MEI4: variants seen among roughly 807,000 people sequenced by gnomAD.
MEI4 encodes the protein meiotic double-stranded break formation protein 4, also known as meiosis-specific protein MEI4.
MEI4 carries 27 observed loss-of-function variants against 31.4 expected under a neutral mutation model. That is an observed-to-expected ratio of 0.86 (90% confidence interval 0.63 to 1.19). MEI4 has a LOEUF of 1.19. MEI4 is among the 50% of genes most tolerant of loss of function. MEI4 has a pLI of 0.00. For missense variants in MEI4, 329 were observed against 398.9 expected (o/e 0.82, Z 1.49); for synonymous variants, 122 against 145.4 (o/e 0.84, Z 1.16).
chr6:77,841,333 A>ATTTTTTTTTTTTT (rs1239589008), intron 4 of MEI4, among the ~76,000 whole-genome samples: 2 of 27,736 alleles, frequency 7.2e-5, no homozygotes, highest in East Asian at 2.2e-3. Flanking sequence ...ATATATATAT[A>ATTTTTTTTTTTTT]TTTTTTTTTT....
chr6:77,665,680 C>T (rs764460279), intron 1 of MEI4, among the ~76,000 whole-genome samples: 6 of 152,162 alleles, frequency 3.9e-5, no homozygotes, highest in Admixed American at 2.0e-4. Flanking sequence ...CTTCCCAGTC[C>T]GTGACCGGCG....
intron 1 of MEI4, among the ~76,000 whole-genome samples, chr6:77,659,213 C>T (rs1027866388): frequency 6.6e-6 from 1 of 152,106 alleles, no homozygotes; most frequent in African/African-American, 2.4e-5. Context: ...AGTGGAATAA[C>T]TCTTTTTTGT....
chr6:77,699,212 C>T (rs1209080002), intron 2 of MEI4, among the ~76,000 whole-genome samples: 17 of 105,738 alleles, frequency 1.6e-4, no homozygotes, highest in African/African-American at 4.3e-4. Context: ...TTTTTTGAGA[C>T]GGAGTCTCGC....
At chr6:77,651,833 G>GT (rs1350868035), upstream of MEI4, among the ~76,000 whole-genome samples, 3 of 152,072 alleles carry the variant, frequency 2.0e-5, no homozygotes, top group Non-Finnish European at 4.4e-5. Flanking sequence ...CCATGAGTAT[G>GT]TTTTTTATTC....
intron 4 of MEI4, among the ~76,000 whole-genome samples, chr6:77,863,066 C>A (rs1298929348): frequency 3.4e-5 from 5 of 148,846 alleles, no homozygotes; most frequent in African/African-American, 5.1e-5. Context: ...ACACCAAAAC[C>A]CCATCTGTAC....
At chr6:77,778,951 T>C (rs902776580) in intron 3 of MEI4, among the ~76,000 whole-genome samples, 3 of 152,058 alleles carry the variant, frequency 2.0e-5, no homozygotes, top group Admixed American at 2.0e-4. Flanking sequence ...TTAATGATAA[T>C]TGTAAGATGA....
intron 2 of MEI4, among the ~76,000 whole-genome samples, chr6:77,745,366 A>G (rs1270864955): frequency 6.6e-6 from 1 of 152,224 alleles, no homozygotes; most frequent in Non-Finnish European, 1.5e-5. Flanking sequence ...ATCAAAAGAC[A>G]CAAAGAAGGC....
At chr6:77,734,336 A>G (rs559236565) in intron 2 of MEI4, among the ~76,000 whole-genome samples, 1 of 152,132 alleles carries the variant, frequency 6.6e-6, no homozygotes, top group East Asian at 1.9e-4. Flanking sequence ...TATTTAGGAT[A>G]TATATTTAGG....
At position 77,836,560 on chromosome 6, in the gene MEI4, C is replaced by T. The variant is rs544283757; in HGVS notation, c.900+7498C>T. On this transcript the variant is annotated intron_variant, in intron 4 of 4. Coordinates refer to ENST00000684080, the MANE Select transcript of MEI4 (RefSeq NM_001322247.2). ...AAGCAATTCATTAATAAAAATAGAACATGCAAATTAAATATTCTGAATCTG... is the reference window on the plus strand; with the variant it reads ...AAGCAATTCATTAATAAAAATAGAATATGCAAATTAAATATTCTGAATCTG... Among the ~76,000 whole-genome samples the T allele has an allele frequency of 7.9e-5, 12 of 152,154 alleles. No individual in the cohort carries two copies. The South Asian group carries it at 2.3e-3, about 29-fold the overall frequency.
intron 2 of MEI4, among the ~76,000 whole-genome samples, chr6:77,745,222 C>T (rs187048192): frequency 1.3e-5 from 2 of 152,242 alleles, no homozygotes; most frequent in African/African-American, 4.8e-5. Context: ...ATTCAGTAAA[C>T]CCATCTCACG....
intron 4 of MEI4, among the ~76,000 whole-genome samples, chr6:77,868,390 TAATAA>T (rs1178832780): frequency 6.7e-6 from 1 of 149,990 alleles, no homozygotes; most frequent in Non-Finnish European, 1.5e-5. Flanking sequence ...TCAAATTATT[TAATAA>T]AATCTAAGAT....
rs114278091 is a variant in MEI4 at position 77,849,054 on chromosome 6, T to A, written c.900+19992T>A. Among the ~76,000 whole-genome samples, 1,028 of 152,158 alleles carry A rather than the reference T, an allele frequency of 6.8e-3. 9 individuals carry two copies. The highest frequency in any genetic ancestry group is 0.023 in the African/African-American group (939 of 41,534). Reference sequence around the variant, plus strand: ...ATATAATATAATTGCTGGGTTTTTTTAATGGCATCATTAGCATTAGGGAAA... The same window carrying A: ...ATATAATATAATTGCTGGGTTTTTTAAATGGCATCATTAGCATTAGGGAAA... On this transcript the variant is annotated intron_variant, in intron 4 of 4. Coordinates refer to ENST00000684080, the MANE Select transcript of MEI4 (RefSeq NM_001322247.2).
chr6:77,838,317 T>G (rs568177660), intron 4 of MEI4, among the ~76,000 whole-genome samples: 1 of 152,214 alleles, frequency 6.6e-6, no homozygotes, highest in Non-Finnish European at 1.5e-5. Flanking sequence ...ATTGGACAAA[T>G]ATTTAAGAAA....
chr6:77,698,561 A>C (rs1166584145), intron 2 of MEI4, among the ~76,000 whole-genome samples: 1 of 152,196 alleles, frequency 6.6e-6, no homozygotes, highest in Non-Finnish European at 1.5e-5. Flanking sequence ...TTCTGAGTTG[A>C]AAATTCTTTT....
At chr6:77,785,682 A>C (rs927719836) in intron 3 of MEI4, among the ~76,000 whole-genome samples, 6 of 152,224 alleles carry the variant, frequency 3.9e-5, no homozygotes, top group Admixed American at 6.5e-5. Context: ...GAGAGAAATT[A>C]CTAGTATTTA....
chr6:77,728,496 G>A (rs73759418), intron 2 of MEI4, among the ~76,000 whole-genome samples: 3,458 of 152,258 alleles, frequency 0.023, 135 homozygotes, highest in African/African-American at 0.078. Flanking sequence ...CAAGACAAAA[G>A]TAATACAATT....
intron 2 of MEI4, among the ~76,000 whole-genome samples, chr6:77,749,815 G>C (rs6915026): frequency 0.53 from 80,161 of 151,836 alleles, 22,611 homozygotes; most frequent in East Asian, 0.75. Flanking sequence ...GACACATAAT[G>C]ATCAGATTCA....
At chr6:77,708,074 A>T (rs2127658876) in intron 2 of MEI4, among the ~76,000 whole-genome samples, 1 of 152,298 alleles carries the variant, frequency 6.6e-6, no homozygotes, top group South Asian at 2.1e-4. Flanking sequence ...TGTCTAGTGG[A>T]GCTGTGAGAA....
chr6:77,866,506 A>G (rs1771032229), intron 4 of MEI4, among the ~76,000 whole-genome samples: 1 of 152,212 alleles, frequency 6.6e-6, no homozygotes, highest in Non-Finnish European at 1.5e-5. Flanking sequence ...ATACCTAGGA[A>G]TCCAACTTAT....
Sources: gnomAD v4.1 joint callset for allele counts (sites outside exome capture counted in the v4.1 genomes callset) on GRCh38, gnomAD v4.1.1 for gene constraint, MANE v1.5 for transcripts, NCBI Gene and HGNC (gene_info 2026-07-23, HGNC 2026-07-21) for gene names.